The following MAGI2 variants were observed in gnomAD, a reference collection of about 807,000 sequenced individuals.
MAGI2 encodes the protein membrane-associated guanylate kinase, WW and PDZ domain-containing protein 2.
Under a neutral mutation model 133.3 loss-of-function variants are expected in MAGI2, and 35 were observed. The ratio of observed to expected loss-of-function variants is 0.26; its 90% CI spans 0.20 to 0.35. MAGI2 has a LOEUF of 0.35. Among genes scored for constraint, MAGI2 ranks in the 10% least tolerant of loss-of-function variants. The pLI is 1.00. For missense variants in MAGI2, 1,636 were observed against 1,863.4 expected (o/e 0.88, Z 2.25); for synonymous variants, 729 against 710.6 (o/e 1.03, Z -0.41).
At chr7:78,776,931 T>C (rs1265598799) in intron 2 of MAGI2, among the ~76,000 whole-genome samples, 1 of 152,188 alleles carries the variant, frequency 6.6e-6, no homozygotes, top group East Asian at 1.9e-4. Context: ...ATATTGAGTG[T>C]GTGTATAGAT....
At chr7:79,157,468 A>G (rs933897354) in intron 1 of MAGI2, among the ~76,000 whole-genome samples, 4 of 151,988 alleles carry the variant, frequency 2.6e-5, no homozygotes, top group Admixed American at 6.6e-5. Context: ...AAATGACTCA[A>G]TGGTGACACA....
At chr7:79,323,376 T>A (rs1319137622) in intron 1 of MAGI2, among the ~76,000 whole-genome samples, 2 of 152,084 alleles carry the variant, frequency 1.3e-5, no homozygotes, top group Admixed American at 1.3e-4. Flanking sequence ...TAACCCAAAT[T>A]TGAGACTTCA....
intron 20 of MAGI2, among the ~76,000 whole-genome samples, chr7:78,087,416 T>C (rs762155514): frequency 1.1e-4 from 17 of 152,342 alleles, no homozygotes; most frequent in Non-Finnish European, 2.2e-4. Flanking sequence ...TTGTAATCTC[T>C]AAATATACAA....
intron 1 of MAGI2, among the ~76,000 whole-genome samples, chr7:79,404,079 C>T (rs1167859472): frequency 6.6e-6 from 1 of 152,164 alleles, no homozygotes; most frequent in Admixed American, 6.5e-5. Context: ...TAGCCACCTG[C>T]TTCTCGAACT....
At chr7:78,964,064 A>T (rs1029102201) in intron 2 of MAGI2, among the ~76,000 whole-genome samples, 1 of 151,958 alleles carries the variant, frequency 6.6e-6, no homozygotes, top group South Asian at 2.1e-4. Context: ...GATATGTTTT[A>T]TCTGAGGGAA....
At chr7:79,387,129 T>TG (rs1563176235) in intron 1 of MAGI2, among the ~76,000 whole-genome samples, 2 of 151,360 alleles carry the variant, frequency 1.3e-5, no homozygotes, top group African/African-American at 2.4e-5. Context: ...TGTGTGTGTG[T>TG]TAACATTAAC....
chr7:78,787,916 C>A (rs1826968507), intron 2 of MAGI2, among the ~76,000 whole-genome samples: 1 of 152,118 alleles, frequency 6.6e-6, no homozygotes, highest in Admixed American at 6.6e-5. Context: ...GAGAACAAAT[C>A]CCATAGTTTG....
intron 9 of MAGI2, among the ~76,000 whole-genome samples, chr7:78,287,005 G>C (rs1454457350): frequency 2.6e-5 from 4 of 152,172 alleles, no homozygotes; most frequent in African/African-American, 9.6e-5. Context: ...CTTTATAGTG[G>C]AGGACATTGT....
At chr7:78,119,476 G>A (rs1820204667) in intron 20 of MAGI2, among the ~76,000 whole-genome samples, 1 of 142,442 alleles carries the variant, frequency 7.0e-6, no homozygotes, top group Non-Finnish European at 1.5e-5. Context: ...CAGGAGAATT[G>A]CTTGAACCTG....
At chr7:78,979,829 T>G (rs1163498846) in intron 2 of MAGI2, among the ~76,000 whole-genome samples, 1 of 151,908 alleles carries the variant, frequency 6.6e-6, no homozygotes, top group Non-Finnish European at 1.5e-5. Context: ...ATTAAATACA[T>G]AAGTCATGGC....
chr7:78,286,633 C>T (rs1436377286), intron 9 of MAGI2, among the ~76,000 whole-genome samples: 5 of 151,880 alleles, frequency 3.3e-5, no homozygotes, highest in African/African-American at 4.8e-5. Context: ...CATGAGAGTC[C>T]GCTGAGGTGA....
intron 12 of MAGI2, among the ~76,000 whole-genome samples, chr7:78,190,891 C>T (rs1024882759): frequency 3.9e-5 from 6 of 152,170 alleles, no homozygotes; most frequent in South Asian, 2.1e-4. Flanking sequence ...AAACATAGCA[C>T]GGCTTGTCCC....
chr7:78,832,741 ATGCAG>A lies in MAGI2; in HGVS notation c.418+174344_418+174348del, dbSNP rs1205358308. 2.0e-5 allele frequency among the ~76,000 whole-genome samples: 3 copies of A among 152,358 alleles called. No individual in the cohort carries two copies. In the East Asian group the frequency reaches 5.8e-4, roughly 29 times the overall value. On this transcript the variant is annotated intron_variant, in intron 2 of 21. Coordinates refer to ENST00000354212, the MANE Select transcript of MAGI2 (RefSeq NM_012301.4). ...CTGATTATTGTAAATACAAAGTGGC[ATGCAG>A]GATTGTGTAAAGACAATGCCAGGTT...
intron 1 of MAGI2, among the ~76,000 whole-genome samples, chr7:79,109,225 C>T (rs934935975): frequency 2.0e-5 from 3 of 152,024 alleles, no homozygotes; most frequent in African/African-American, 7.3e-5. Context: ...TTGGAGGGCT[C>T]GAAGGACAGG....
chr7:78,135,929 G>T (rs1822070936), intron 16 of MAGI2, among the ~76,000 whole-genome samples: 1 of 151,876 alleles, frequency 6.6e-6, no homozygotes, highest in Admixed American at 6.6e-5. Context: ...GCCATGGATG[G>T]TAAGACACAC....
chr7:79,070,780 C>T (rs10953760), intron 1 of MAGI2, among the ~76,000 whole-genome samples: 91,909 of 151,948 alleles, frequency 0.6, 34,331 homozygotes, highest in Non-Finnish European at 0.83. Context: ...TGTGAGCCAC[C>T]GCGCCCAGCC....
intron 6 of MAGI2, among the ~76,000 whole-genome samples, chr7:78,374,351 G>C (rs945826586): frequency 6.6e-6 from 1 of 152,064 alleles, no homozygotes; most frequent in Non-Finnish European, 1.5e-5. Context: ...TTGGCCACTT[G>C]TATGTCTTCT....
intron 4 of MAGI2, among the ~76,000 whole-genome samples, chr7:78,515,880 C>T (rs1036110545): frequency 8.6e-5 from 13 of 151,236 alleles, no homozygotes; most frequent in Non-Finnish European, 1.9e-4. Flanking sequence ...GCCTGGGCAA[C>T]AAGAGTGAAA....
chr7:78,878,036 C>T (rs1433711746), intron 2 of MAGI2, among the ~76,000 whole-genome samples: 2 of 152,174 alleles, frequency 1.3e-5, no homozygotes, highest in Admixed American at 6.6e-5. Context: ...ATTCTTTAAC[C>T]TCTGTGAACC....
Sources: gnomAD v4.1 joint callset for allele counts (sites outside exome capture counted in the v4.1 genomes callset) on GRCh38, gnomAD v4.1.1 for gene constraint, MANE v1.5 for transcripts, NCBI Gene and HGNC (gene_info 2026-07-23, HGNC 2026-07-21) for gene names.